Variants in SCFD2 observed in about 807,000 individuals in gnomAD.
SCFD2 encodes sec1 family domain containing 2.
A neutral mutation model predicts 58.9 loss-of-function variants in SCFD2; 54 were observed. The ratio of observed to expected loss-of-function variants is 0.92; its 90% CI spans 0.74 to 1.15. The LOEUF is 1.15. SCFD2 is among the 50% of genes most tolerant of loss of function. The pLI is 0.00. For synonymous variants in SCFD2, 321 were observed against 335.9 expected (o/e 0.96, Z 0.49); for missense variants, 805 against 836.6 (o/e 0.96, Z 0.47).
intron 4 of SCFD2, among the ~76,000 whole-genome samples, chr4:53,161,441 A>C (rs944730839): frequency 3.9e-5 from 6 of 152,206 alleles, no homozygotes; most frequent in African/African-American, 1.4e-4. Flanking sequence ...TCATCAAATA[A>C]TCTAATTCAG....
At chr4:53,092,067 A>G (rs1174851901) in intron 5 of SCFD2, among the ~76,000 whole-genome samples, 1 of 152,152 alleles carries the variant, frequency 6.6e-6, no homozygotes, top group African/African-American at 2.4e-5. Flanking sequence ...TCATTAAATC[A>G]AAGCTATATT....
chr4:53,283,415 A>G (rs375154416), intron 3 of SCFD2, among the ~76,000 whole-genome samples: 1 of 152,324 alleles, frequency 6.6e-6, no homozygotes, highest in East Asian at 1.9e-4. Context: ...TGATGCTATG[A>G]ACATTCTAAG....
At chr4:53,332,052 A>C (rs552595546) in intron 2 of SCFD2, among the ~76,000 whole-genome samples, 4 of 152,220 alleles carry the variant, frequency 2.6e-5, no homozygotes, top group Non-Finnish European at 5.9e-5. Context: ...ACCAGGAAAA[A>C]GTTGAATCTC....
chr4:52,948,443 C>A, intron 5 of SCFD2: 1 of 451,542 alleles, frequency 2.2e-6, no homozygotes, highest in Non-Finnish European at 4.5e-6. Context: ...AACTCTCAGC[C>A]TCAGTTTCTG....
chr4:52,958,077 T>C (rs200150783), intron 5 of SCFD2: 1 of 151,824 alleles, frequency 6.6e-6, no homozygotes, highest in African/African-American at 2.4e-5. Flanking sequence ...ACAGGAGAAA[T>C]AGTCAGACAC....
At chr4:53,016,452 A>T (rs1408697592) in intron 5 of SCFD2, among the ~76,000 whole-genome samples, 1 of 152,228 alleles carries the variant, frequency 6.6e-6, no homozygotes, top group Non-Finnish European at 1.5e-5. Context: ...TTTCGTTTTT[A>T]GTAGATTAAG....
chr4:52,904,590 C>T (rs1719300006), intron 7 of SCFD2, among the ~76,000 whole-genome samples: 1 of 152,206 alleles, frequency 6.6e-6, no homozygotes, highest in African/African-American at 2.4e-5. Context: ...AGGGAGTTCA[C>T]TCACACTGGC....
chr4:53,313,541 G>T, intron 3 of SCFD2, 95 bp downstream of exon 3: 1 of 1,433,194 alleles, frequency 7.0e-7, no homozygotes, highest in Non-Finnish European at 9.7e-7. Flanking sequence ...TTACTACTTT[G>T]GCCTAGATTC....
chr4:53,152,300 G>A (rs1187258972), intron 4 of SCFD2, among the ~76,000 whole-genome samples: 1 of 151,580 alleles, frequency 6.6e-6, no homozygotes, highest in African/African-American at 2.4e-5. Context: ...TTAATCAACA[G>A]GAAAATGCAA....
chr4:53,328,144 CAA>C (rs66657838), intron 2 of SCFD2, among the ~76,000 whole-genome samples: 1 of 149,244 alleles, frequency 6.7e-6, no homozygotes, highest in African/African-American at 2.5e-5. Flanking sequence ...CAAAAAAAAA[CAA>C]AAAAAAAACA....
intron 5 of SCFD2, among the ~76,000 whole-genome samples, chr4:53,090,788 T>C (rs1431815567): frequency 6.6e-6 from 1 of 152,176 alleles, no homozygotes; most frequent in Non-Finnish European, 1.5e-5. Context: ...AGCACTGAAG[T>C]GTGCCAAGCA....
At chr4:53,282,254 A>C (rs971105218) in intron 3 of SCFD2, among the ~76,000 whole-genome samples, 6 of 151,976 alleles carry the variant, frequency 3.9e-5, no homozygotes, top group African/African-American at 1.5e-4. Context: ...TTTCATGCTA[A>C]TTGCTCTCTG....
intron 5 of SCFD2, among the ~76,000 whole-genome samples, chr4:53,114,380 A>T (rs966790033): frequency 6.6e-5 from 10 of 152,086 alleles, no homozygotes; most frequent in African/African-American, 2.4e-4. Context: ...CCCCCACTGA[A>T]TGCAAGTAGA....
At chr4:52,992,899 C>G (rs1419744010) in intron 5 of SCFD2, among the ~76,000 whole-genome samples, 2 of 152,208 alleles carry the variant, frequency 1.3e-5, no homozygotes, top group African/African-American at 4.8e-5. Context: ...GAGGTGTACC[C>G]AACAGCTCAT....
chr4:52,980,892 T>C (rs1339778177), intron 5 of SCFD2, among the ~76,000 whole-genome samples: 1 of 152,292 alleles, frequency 6.6e-6, no homozygotes, highest in East Asian at 1.9e-4. Context: ...TGCTGGACTG[T>C]GAGTTCTTAG....
chr4:53,119,388 C>T (rs1274368478), intron 5 of SCFD2, among the ~76,000 whole-genome samples: 1 of 150,566 alleles, frequency 6.6e-6, no homozygotes, highest in Non-Finnish European at 1.5e-5. Flanking sequence ...GGCTGAGGCA[C>T]AAGAATCGTT....
intron 8 of SCFD2, among the ~76,000 whole-genome samples, chr4:52,884,902 C>T (rs976245059): frequency 5.9e-5 from 9 of 152,192 alleles, no homozygotes; most frequent in Non-Finnish European, 1.2e-4. Flanking sequence ...AGGCACAGTG[C>T]TAAGAAGCAT....
chr4:52,971,774 G>A (rs1358451321), intron 5 of SCFD2, among the ~76,000 whole-genome samples: 19 of 152,120 alleles, frequency 1.2e-4, no homozygotes, highest in African/African-American at 4.1e-4. Context: ...GAGAAAGGTC[G>A]GGTTACCCAC....
At chr4:53,073,803 T>C (rs1275590150) in intron 5 of SCFD2, among the ~76,000 whole-genome samples, 1 of 152,204 alleles carries the variant, frequency 6.6e-6, no homozygotes, top group South Asian at 2.1e-4. Flanking sequence ...TAGAATTATG[T>C]CTAAAAACAA....
Sources: allele counts gnomAD v4.1 joint callset (sites outside exome capture counted in the v4.1 genomes callset), GRCh38; gene constraint gnomAD v4.1.1; transcripts MANE v1.5; gene names NCBI Gene and HGNC (gene_info 2026-07-23, HGNC 2026-07-21).